NRXN2: variants seen among roughly 807,000 people sequenced by gnomAD.
NRXN2 encodes neurexin 2, also known as neurexin-2-beta.
A neutral mutation model predicts 128.8 loss-of-function variants in NRXN2; 29 were observed. The ratio of observed to expected loss-of-function variants is 0.23; its 90% CI spans 0.17 to 0.31. The LOEUF is 0.31. Ranked by LOEUF, NRXN2 falls within the 10% of genes least tolerant of loss-of-function variation. The pLI is 1.00. For missense variants in NRXN2, 1,881 were observed against 2,452.6 expected, an observed-to-expected ratio of 0.77 and a Z score of 4.92; for synonymous variants, 1,098 against 1,075.2, an observed-to-expected ratio of 1.02 and a Z score of -0.41.
At chr11:64,609,942 C>A (rs1185160281) in intron 22 of NRXN2, among the ~76,000 whole-genome samples, 1 of 152,158 alleles carries the variant, frequency 6.6e-6, no homozygotes, top group East Asian at 1.9e-4. Flanking sequence ...CCCACTGCAG[C>A]CCCACTGCAG....
At chr11:64,702,914 A>G (rs2055696025) in intron 2 of NRXN2, among the ~76,000 whole-genome samples, 1 of 149,484 alleles carries the variant, frequency 6.7e-6, no homozygotes, top group Non-Finnish European at 1.5e-5. Context: ...ATTTGAGCCC[A>G]GGAGTTTGAG....
At chr11:64,656,315 G>A (rs1350188755) in intron 11 of NRXN2, among the ~76,000 whole-genome samples, 2 of 152,076 alleles carry the variant, frequency 1.3e-5, no homozygotes, top group Non-Finnish European at 2.9e-5. Flanking sequence ...GATACAATGT[G>A]TATTTAGCCT....
At chr11:64,668,355 A>G (rs2050172902) in intron 8 of NRXN2, 88 bp downstream of exon 8, 3 of 1,543,690 alleles carry the variant, frequency 1.9e-6, no homozygotes, top group Non-Finnish European at 2.6e-6. Context: ...GATGACCCAG[A>G]CAACTAGCCA....
chr11:64,624,976 C>T (rs2042889394), intron 20 of NRXN2, among the ~76,000 whole-genome samples: 1 of 152,234 alleles, frequency 6.6e-6, no homozygotes, highest in Non-Finnish European at 1.5e-5. Context: ...GTAACCATCA[C>T]TGCCCCATCA....
Position 64,650,513 on chromosome 11 carries a change from G to T in NRXN2, c.3044C>A (p.Thr1015Lys). ...VVSRDPGNVHTLKIDSRTVTQ... is the reference protein window; with the variant it reads ...VVSRDPGNVHKLKIDSRTVTQ... ...GACAGTGCGGGAGTCAATCTTGAGC[G>T]TGTGCACGTTGCCTGGGTCCCTGGA... is the stretch of plus-strand genomic sequence containing the variant. Residue 1015 changes from threonine to lysine, a missense_variant, in exon 15 of 23, where the codon ACG becomes AAG. By Grantham distance (78) the Thr-to-Lys change is moderately conservative. Around this residue, in one of 7 missense-constraint regions of NRXN2, gnomAD observed 390 missense variants for 599.6 expected, o/e 0.65. Coordinates refer to ENST00000265459, the MANE Select transcript of NRXN2 (RefSeq NM_015080.4). 6.2e-7 allele frequency: 1 copy of T among 1,614,224 alleles called. No individual in the cohort carries two copies. The highest frequency in any genetic ancestry group is 8.5e-7 in the Non-Finnish European group (1 of 1,180,048).
chr11:64,618,082 G>A (rs1448288836), intron 22 of NRXN2, among the ~76,000 whole-genome samples: 1 of 152,200 alleles, frequency 6.6e-6, no homozygotes, highest in Admixed American at 6.5e-5. Flanking sequence ...TCAGTGGTCA[G>A]TGACCTCACA....
chr11:64,640,596 G>T (rs1591700155), intron 17 of NRXN2, among the ~76,000 whole-genome samples: 1 of 152,056 alleles, frequency 6.6e-6, no homozygotes, highest in African/African-American at 2.4e-5. Flanking sequence ...GGAGCAAGGG[G>T]TTGGGTGGGG....
At chr11:64,652,893 C>G (rs779314438) in intron 12 of NRXN2, among the ~76,000 whole-genome samples, 5 of 152,100 alleles carry the variant, frequency 3.3e-5, no homozygotes, top group Non-Finnish European at 5.9e-5. Flanking sequence ...TCAAATGCTG[C>G]TGGACTTTGC....
At chr11:64,707,287 C>T (rs1301754197) in intron 2 of NRXN2, among the ~76,000 whole-genome samples, 1 of 150,508 alleles carries the variant, frequency 6.6e-6, no homozygotes. Context: ...CTCAGGAGGA[C>T]GAGGCAGGAG....
Position 64,607,040 on chromosome 11 carries a change from G to A in NRXN2, c.*156C>T. On this transcript the variant is annotated 3_prime_UTR_variant, in exon 23 of 23. Coordinates refer to ENST00000265459, the MANE Select transcript of NRXN2 (RefSeq NM_015080.4). The stretch of plus-strand genomic sequence containing the variant: ...CGGCAGGAGGAAGGGGGCGAGCACG[G>A]GGTTTTTCCTTTTCTTTTTTTGCGT... 1.3e-6 allele frequency: 1 copy of A among 779,700 alleles called. No individual in the cohort carries two copies. The highest frequency in any genetic ancestry group is 2.9e-5 in the Admixed American group (1 of 34,444). 48.3% of individuals were successfully genotyped at this position (779,700 alleles called of 1,614,324 possible).
chr11:64,646,148 C>T (rs1397340565), intron 17 of NRXN2, among the ~76,000 whole-genome samples: 1 of 152,196 alleles, frequency 6.6e-6, no homozygotes, highest in Non-Finnish European at 1.5e-5. Context: ...AGCAGCAGCA[C>T]ACTGAGCCCT....
intron 11 of NRXN2, among the ~76,000 whole-genome samples, chr11:64,658,266 G>A (rs1406096672): frequency 6.6e-6 from 1 of 152,202 alleles, no homozygotes; most frequent in Non-Finnish European, 1.5e-5. Context: ...AGGCAAAGTA[G>A]GGGGGAACTC....
At chr11:64,685,586 C>A in intron 6 of NRXN2, 60 bp downstream of exon 6, 1 of 1,609,934 alleles carries the variant, frequency 6.2e-7, no homozygotes, top group South Asian at 1.1e-5. Flanking sequence ...AGCCCCCTCT[C>A]CCAACCCCCA....
chr11:64,639,728 G>A (rs1235803146), intron 17 of NRXN2, among the ~76,000 whole-genome samples: 2 of 152,020 alleles, frequency 1.3e-5, no homozygotes, highest in Non-Finnish European at 2.9e-5. Context: ...GGTGTGAAGA[G>A]AAGAGAGGAG....
intron 22 of NRXN2, among the ~76,000 whole-genome samples, chr11:64,609,200 C>T (rs2135260070): frequency 6.6e-6 from 1 of 152,092 alleles, no homozygotes; most frequent in East Asian, 1.9e-4. Flanking sequence ...CTAAGCCTAA[C>T]TCCCCAACTT....
intron 2 of NRXN2, among the ~76,000 whole-genome samples, chr11:64,702,292 GGGAGGTGT>G (rs1335748856): frequency 1.3e-5 from 2 of 152,222 alleles, no homozygotes; most frequent in Non-Finnish European, 1.5e-5. Flanking sequence ...CCACCCGTCT[GGGAGGTGT>G]ACCCAACAGC....
chr11:64,697,443 T>G (rs1217866784), intron 3 of NRXN2, among the ~76,000 whole-genome samples: 3 of 152,226 alleles, frequency 2.0e-5, no homozygotes, highest in Admixed American at 2.0e-4. Context: ...GGGCTAAACG[T>G]TGTCTACCCA....
rs972700235 is a variant in NRXN2, at chr11:64,685,591, C to T, written c.1152+55G>A. On this transcript the variant is annotated intron_variant, in intron 6 of 22. Transcript: ENST00000265459. The stretch of plus-strand genomic sequence containing the variant: ...AGCTCCCGGCAGCCCCCTCTCCCAA[C>T]CCCCATTCTACCCCAGGTATAGCTA... 6.8e-6 allele frequency: 11 copies of T among 1,610,570 alleles called. No homozygotes were observed. In the African/African-American group the frequency reaches 1.1e-4, roughly 16 times the overall value.
Position 64,607,098 on chromosome 11 carries a change from G to A in NRXN2, c.*98C>T, listed in dbSNP as rs2039744111. 7.5e-7 allele frequency: 1 copy of A among 1,337,024 alleles called. No individual in the cohort carries two copies. Among genetic ancestry groups the A allele is most frequent in the Non-Finnish European group, 1.0e-6 (1 of 973,202 alleles). 82.8% of individuals were successfully genotyped at this position (1,337,024 alleles called of 1,614,324 possible). A position where few individuals can be genotyped will look rare whatever the true frequency, so the allele number is the denominator to read the frequency against. Reference sequence around the variant, plus strand: ...TCGTAAGAGAAGCCTGAGGCAGCCAGGGAGAGGGTCCCCAGGCCCCTGGCA... The same window carrying A: ...TCGTAAGAGAAGCCTGAGGCAGCCAAGGAGAGGGTCCCCAGGCCCCTGGCA... On this transcript the variant is annotated 3_prime_UTR_variant, in exon 23 of 23. Coordinates refer to ENST00000265459, the MANE Select transcript of NRXN2 (RefSeq NM_015080.4).
Sources: gnomAD v4.1 joint callset for allele counts (sites outside exome capture counted in the v4.1 genomes callset) on GRCh38, gnomAD v4.1.1 for gene constraint, gnomAD v4.1.1 regional missense constraint, MANE v1.5 for transcripts, NCBI Gene and HGNC (gene_info 2026-07-23, HGNC 2026-07-21) for gene names.